The following TRDN variants were observed in gnomAD, a reference collection of about 807,000 sequenced individuals.
TRDN encodes triadin.
In TRDN, 161 loss-of-function variants were observed where a neutral mutation model predicts 149.7. The ratio of observed to expected loss-of-function variants is 1.08; its 90% CI spans 0.95 to 1.23. The LOEUF is 1.23. TRDN is among the 50% of genes most tolerant of loss of function. The pLI is 0.00. For missense variants in TRDN, 896 were observed against 823.5 expected, an observed-to-expected ratio of 1.09 and a Z score of -1.08; for synonymous variants, 294 against 250.5, an observed-to-expected ratio of 1.17 and a Z score of -1.64.
At chr6:123,557,752 A>T (rs952121486) in intron 2 of TRDN, among the ~76,000 whole-genome samples, 3 of 150,558 alleles carry the variant, frequency 2.0e-5, no homozygotes, top group African/African-American at 4.9e-5. Flanking sequence ...AGCACCTCCA[A>T]CCCCTTCCCT....
chr6:123,463,356 ATAAT>A (rs1249297536), intron 10 of TRDN, among the ~76,000 whole-genome samples: 8 of 141,376 alleles, frequency 5.7e-5, no homozygotes, highest in African/African-American at 1.0e-4. Context: ...AAAAAAATAA[ATAAT>A]AAATAAATAA....
intron 6 of TRDN, among the ~76,000 whole-genome samples, chr6:123,515,578 T>C (rs1779373826): frequency 6.6e-6 from 1 of 151,580 alleles, no homozygotes; most frequent in African/African-American, 2.4e-5. Flanking sequence ...ATGGATTATC[T>C]GGAAAACATA....
intron 14 of TRDN, among the ~76,000 whole-genome samples, chr6:123,383,214 C>T (rs1012652016): frequency 2.0e-5 from 3 of 152,006 alleles, no homozygotes; most frequent in African/African-American, 7.2e-5. Context: ...ACAATGGACT[C>T]ATTGTCTCTT....
intron 4 of TRDN, among the ~76,000 whole-genome samples, chr6:123,533,238 A>T (rs1027976374): frequency 6.6e-6 from 1 of 151,828 alleles, no homozygotes; most frequent in African/African-American, 2.4e-5. Context: ...TTAGAATAAT[A>T]TTTTTTTTAG....
chr6:123,546,112 G>C (rs979460639), intron 4 of TRDN, among the ~76,000 whole-genome samples: 6 of 151,998 alleles, frequency 3.9e-5, no homozygotes, highest in African/African-American at 9.7e-5. Context: ...CACTCTCTAT[G>C]GGAAATCAGC....
At chr6:123,421,416 G>A (rs981578800) in intron 12 of TRDN, among the ~76,000 whole-genome samples, 6 of 152,144 alleles carry the variant, frequency 3.9e-5, no homozygotes, top group African/African-American at 1.4e-4. Flanking sequence ...CAAATGAAGT[G>A]TAAATTATCC....
At chr6:123,508,984 C>T (rs551782941) in intron 7 of TRDN, among the ~76,000 whole-genome samples, 3 of 151,956 alleles carry the variant, frequency 2.0e-5, no homozygotes, top group South Asian at 2.1e-4. Context: ...ATAATACATA[C>T]ACATATAAAA....
Position 123,267,101 on chromosome 6 carries a change from C to CA in TRDN, c.1783+605dup, listed in dbSNP as rs768727745. 1.7e-4 allele frequency among the ~76,000 whole-genome samples: 12 copies of CA among 69,340 alleles called. 1 individual carries two copies. The highest frequency in any genetic ancestry group is 2.2e-4 in the Admixed American group (1 of 4,598). 45.5% of individuals were successfully genotyped at this position (69,340 alleles called of 152,430 possible). On this transcript the variant is annotated intron_variant, in intron 32 of 40. Coordinates refer to ENST00000334268, the MANE Select transcript of TRDN (RefSeq NM_006073.4). Reference sequence around the variant, plus strand: ...CAGCCTGGAGAGAGAGATTTTGTCTCAAAAAAAAAAAAAGAAGTAACAGTG... The same window carrying CA: ...CAGCCTGGAGAGAGAGATTTTGTCTCAAAAAAAAAAAAAAGAAGTAACAGTG...
chr6:123,299,264 T>C (rs1166675955), intron 24 of TRDN, among the ~76,000 whole-genome samples: 2 of 151,978 alleles, frequency 1.3e-5, no homozygotes, highest in African/African-American at 4.8e-5. Flanking sequence ...GTGAAGGGTT[T>C]GTGAGAAGGA....
chr6:123,474,009 A>G (rs1777330037), intron 9 of TRDN, among the ~76,000 whole-genome samples: 1 of 152,290 alleles, frequency 6.6e-6, no homozygotes, highest in African/African-American at 2.4e-5. Context: ...CGTAAAGACC[A>G]TCGAGACTAG....
At chr6:123,317,577 CT>C (rs1779072196) in intron 23 of TRDN, among the ~76,000 whole-genome samples, 1 of 151,978 alleles carries the variant, frequency 6.6e-6, no homozygotes, top group African/African-American at 2.4e-5. Flanking sequence ...CTCTGACACT[CT>C]TTGGCACATA....
At chr6:123,563,065 G>A (rs146709557) in intron 2 of TRDN, among the ~76,000 whole-genome samples, 13 of 152,254 alleles carry the variant, frequency 8.5e-5, no homozygotes, top group African/African-American at 3.1e-4. Context: ...GGGACCTAAT[G>A]AAATTAAACA....
intron 38 of TRDN, among the ~76,000 whole-genome samples, chr6:123,227,394 T>C (rs148203696): frequency 2.0e-5 from 3 of 151,864 alleles, no homozygotes; most frequent in Non-Finnish European, 2.9e-5. Flanking sequence ...CACTCCCAAC[T>C]ACAATGAAGT....
chr6:123,630,201 T>G (rs1223295339), intron 1 of TRDN, among the ~76,000 whole-genome samples: 1 of 152,070 alleles, frequency 6.6e-6, no homozygotes, highest in Non-Finnish European at 1.5e-5. Flanking sequence ...TAATATGTAT[T>G]TTTTAAAAAT....
intron 38 of TRDN, among the ~76,000 whole-genome samples, chr6:123,229,142 A>G (rs1006715081): frequency 2.6e-5 from 4 of 151,922 alleles, no homozygotes; most frequent in African/African-American, 9.7e-5. Flanking sequence ...GATAGCAGTG[A>G]ATCCATCCTC....
At chr6:123,316,317 T>C in intron 24 of TRDN, 140 bp downstream of exon 24, 1 of 776,460 alleles carries the variant, frequency 1.3e-6, no homozygotes, top group East Asian at 2.7e-5. Flanking sequence ...GTAAAATATA[T>C]GGCACATAGC....
intron 24 of TRDN, among the ~76,000 whole-genome samples, chr6:123,281,019 A>T (rs1363311388): frequency 6.6e-6 from 1 of 152,120 alleles, no homozygotes; most frequent in South Asian, 2.1e-4. Context: ...ATGTAGAAAA[A>T]TATATAAATT....
chr6:123,454,906 AAG>A (rs1168035607), intron 10 of TRDN, among the ~76,000 whole-genome samples: 1 of 152,192 alleles, frequency 6.6e-6, no homozygotes, highest in Non-Finnish European at 1.5e-5. Flanking sequence ...TGGTGCCAAA[AAG>A]GTTGAGGAAT....
chr6:123,225,684 CTT>C (rs1451926545), intron 38 of TRDN, among the ~76,000 whole-genome samples: 5 of 151,582 alleles, frequency 3.3e-5, no homozygotes, highest in Admixed American at 1.3e-4. Flanking sequence ...TTATTTCTCA[CTT>C]ATATCTCAAT....
Sources: gnomAD v4.1 joint callset for allele counts (sites outside exome capture counted in the v4.1 genomes callset) on GRCh38, gnomAD v4.1.1 for gene constraint, MANE v1.5 for transcripts, NCBI Gene and HGNC (gene_info 2026-07-23, HGNC 2026-07-21) for gene names.